DNAAF11: variants seen among roughly 807,000 people sequenced by gnomAD.
DNAAF11 encodes the protein leucine rich repeat containing 6.
In DNAAF11, 45 loss-of-function variants were observed where a neutral mutation model predicts 60.8. That is an observed-to-expected ratio of 0.74 (90% CI 0.58 to 0.95). DNAAF11 has a LOEUF of 0.95. DNAAF11 is among the 40% of genes least tolerant of loss of function. DNAAF11 has a pLI of 0.00. For synonymous variants in DNAAF11, 191 were observed against 183.5 expected (o/e 1.04, Z -0.33); for missense variants, 546 against 546.2 (o/e 1.00, Z 0.00).
intron 5 of DNAAF11, among the ~76,000 whole-genome samples, 196 bp from the exon 6 acceptor site, chr8:132,625,650 G>A (rs185464561): frequency 6.6e-6 from 1 of 152,262 alleles, no homozygotes; most frequent in Admixed American, 6.5e-5. Context: ...AAGGCTGTTA[G>A]CACTCATTAC....
intron 4 of DNAAF11, among the ~76,000 whole-genome samples, chr8:132,637,316 T>C (rs1187003272): frequency 2.0e-5 from 3 of 152,162 alleles, no homozygotes; most frequent in Non-Finnish European, 2.9e-5. Context: ...CACCAAAGAC[T>C]GTGAACCTGC....
At chr8:132,622,847 C>T in intron 6 of DNAAF11, 159 bp from the exon 7 acceptor site, 1 of 589,638 alleles carries the variant, frequency 1.7e-6, no homozygotes, top group South Asian at 2.3e-5. Flanking sequence ...AAGTCCATTC[C>T]TTTAATTCTA....
At chr8:132,588,482 A>C (rs778364378) in intron 10 of DNAAF11, among the ~76,000 whole-genome samples, 10 of 152,200 alleles carry the variant, frequency 6.6e-5, no homozygotes, top group Non-Finnish European at 1.3e-4. Context: ...GTTATATGCC[A>C]AGCATAGGAC....
Position 132,611,438 on chromosome 8 carries a change from A to G in DNAAF11, c.975-75T>C. ...TGAATAAGTGCAAATATAAATTCAC[A>G]CTTACAGGACCATTTTAAATGAAGG... On this transcript the variant is annotated intron_variant, in intron 8 of 11. Transcript: ENST00000620350. 3 of 786,982 alleles carry G rather than the reference A, an allele frequency of 3.8e-6. No individual in the cohort carries two copies. In the South Asian group the frequency reaches 5.1e-5, roughly 13 times the overall value. The allele number at this position is 786,982 out of a possible 1,614,324, so 48.7% of individuals were successfully genotyped here.
At chr8:132,682,296 T>C in the DNAAF11 span, among the ~76,000 whole-genome samples, 1 of 152,202 alleles carries the variant, frequency 6.6e-6, no homozygotes, top group Non-Finnish European at 1.5e-5. Context: ...GCCGCCGTGC[T>C]GGAGAAGCCA....
chr8:132,652,846 C>T lies in DNAAF11; in HGVS notation c.256+3984G>A, dbSNP rs372886239. On this transcript the variant is annotated intron_variant, in intron 3 of 11. Coordinates refer to ENST00000620350, the MANE Select transcript of DNAAF11 (RefSeq NM_012472.6). ...TAGGAGAAGTACCTAATGTAGATGA[C>T]GGGTTGATGGGTGCAGCAAACCACC... Among the ~76,000 whole-genome samples, 10 of 152,020 alleles carry T rather than the reference C, an allele frequency of 6.6e-5. No individual in the cohort carries two copies. The East Asian group carries it at 1.6e-3, about 24-fold the overall frequency.
At chr8:132,640,533 A>G (rs1396048836) in intron 3 of DNAAF11, among the ~76,000 whole-genome samples, 1 of 152,156 alleles carries the variant, frequency 6.6e-6, no homozygotes, top group Non-Finnish European at 1.5e-5. Context: ...GTTTATGTCT[A>G]AACTCTTTTA....
At chr8:132,677,353 CT>C (rs886947828), upstream of DNAAF11, among the ~76,000 whole-genome samples, 1 of 152,082 alleles carries the variant, frequency 6.6e-6, no homozygotes, top group African/African-American at 2.4e-5. Flanking sequence ...TATAAAGGAT[CT>C]CAGCTTGCAG....
At chr8:132,678,010 A>G (rs941265310), upstream of DNAAF11, among the ~76,000 whole-genome samples, 2 of 152,216 alleles carry the variant, frequency 1.3e-5, no homozygotes, top group African/African-American at 4.8e-5. Context: ...TTAAATTTCA[A>G]CATGAATTTT....
At chr8:132,595,383 G>A (rs1816905278) in intron 10 of DNAAF11, among the ~76,000 whole-genome samples, 1 of 129,738 alleles carries the variant, frequency 7.7e-6, no homozygotes, top group Non-Finnish European at 1.6e-5. Flanking sequence ...AAAAAGCTGT[G>A]TCCAGAATAT....
At chr8:132,675,164 T>C (rs1194720535) in intron 1 of DNAAF11, 1 of 360,330 alleles carries the variant, frequency 2.8e-6, no homozygotes, top group Non-Finnish European at 5.0e-6. Context: ...GAACGTGGTG[T>C]GTCTGGCGCC....
chr8:132,668,761 G>A (rs67001729), intron 1 of DNAAF11, among the ~76,000 whole-genome samples: 39 of 152,232 alleles, frequency 2.6e-4, no homozygotes, highest in African/African-American at 9.4e-4. Flanking sequence ...ATCTTGAAAT[G>A]TGAGTAGATG....
intron 5 of DNAAF11, among the ~76,000 whole-genome samples, chr8:132,625,783 A>C (rs528478623): frequency 6.6e-6 from 1 of 152,184 alleles, no homozygotes; most frequent in Non-Finnish European, 1.5e-5. Flanking sequence ...AAAAGTACAG[A>C]TTCCTGGGCT....
chr8:132,600,121 C>T (rs1218271319), intron 10 of DNAAF11, among the ~76,000 whole-genome samples: 2 of 152,184 alleles, frequency 1.3e-5, no homozygotes, highest in African/African-American at 4.8e-5. Context: ...CATTCCTATA[C>T]ACCAATAACA....
At position 132,610,155 on chromosome 8, in the gene DNAAF11, A is replaced by T. The variant is rs761700376; in HGVS notation, c.1140+11T>A. On this transcript the variant is annotated intron_variant, in intron 10 of 11. Coordinates refer to ENST00000620350, the MANE Select transcript of DNAAF11 (RefSeq NM_012472.6). ...TCCAGACTTGAAATTGACCCAAATG[A>T]CATGACCTACCTTGGGCATGCAGAT... 227 of 1,604,850 alleles carry T rather than the reference A, an allele frequency of 1.4e-4. No individual in the cohort carries two copies. The highest frequency in any genetic ancestry group is 1.9e-4 in the Non-Finnish European group (224 of 1,171,798).
intron 10 of DNAAF11, among the ~76,000 whole-genome samples, chr8:132,593,815 T>G (rs969107635): frequency 6.6e-6 from 1 of 152,012 alleles, no homozygotes; most frequent in Non-Finnish European, 1.5e-5. Context: ...GTAAAATCTT[T>G]TGGGCCAGAT....
chr8:132,609,956 A>G (rs1425219527), intron 10 of DNAAF11, among the ~76,000 whole-genome samples: 1 of 152,210 alleles, frequency 6.6e-6, no homozygotes, highest in Non-Finnish European at 1.5e-5. Context: ...CTTTCAGGAA[A>G]GGATAAACCA....
chr8:132,608,400 A>G, intron 10 of DNAAF11: 1 of 409,794 alleles, frequency 2.4e-6, no homozygotes, highest in Non-Finnish European at 4.9e-6. Context: ...AAGCACTTCT[A>G]AAATGCTTTT....
chr8:132,581,444 A>T (rs1815316171), intron 11 of DNAAF11, among the ~76,000 whole-genome samples: 1 of 151,894 alleles, frequency 6.6e-6, no homozygotes, highest in Non-Finnish European at 1.5e-5. Flanking sequence ...GAGGTCAGGA[A>T]TTTGAGACCA....
Sources: allele counts gnomAD v4.1 joint callset (sites outside exome capture counted in the v4.1 genomes callset), GRCh38; gene constraint gnomAD v4.1.1; transcripts MANE v1.5; gene names NCBI Gene and HGNC (gene_info 2026-07-23, HGNC 2026-07-21).